The following RNF24 variants were observed in gnomAD, a reference collection of about 807,000 sequenced individuals.
RNF24 encodes ring finger protein 24.
In RNF24, 14 loss-of-function variants were observed where a neutral mutation model predicts 20.0. The ratio of observed to expected loss-of-function variants is 0.70; its 90% CI spans 0.46 to 1.10. RNF24 has a LOEUF of 1.10. Ranked by LOEUF, RNF24 falls within the 50% of genes least tolerant of loss-of-function variation. The pLI is 0.00. For synonymous variants in RNF24, 45 were observed against 61.1 expected (o/e 0.74, Z 1.23); for missense variants, 124 against 177.6 (o/e 0.70, Z 1.71).
chr20:4,011,839 T>C (rs966285300), intron 1 of RNF24, among the ~76,000 whole-genome samples: 10 of 152,234 alleles, frequency 6.6e-5, no homozygotes, highest in Non-Finnish European at 1.3e-4. Flanking sequence ...AGGATAGTTA[T>C]GTGAGACAGT....
rs554450774 is a variant in RNF24, at chr20:3,955,253, A to G, written c.144-6974T>C. 3.9e-5 allele frequency among the ~76,000 whole-genome samples: 6 copies of G among 152,114 alleles called. No individual in the cohort carries two copies. The East Asian group carries it at 9.7e-4, about 24-fold the overall frequency. ...GCTTTTAATATATTCTGGGTATTAA[A>G]CCCTTATCAGATAGGACTTGTAAAT... On this transcript the variant is annotated intron_variant, in intron 2 of 5. Transcript: ENST00000358395.
rs1322660196 is a variant in RNF24 at position 3,928,779 on chromosome 20, A to T, written c.*5284T>A. Reference sequence around the variant, plus strand: ...AAAAAAAAAAAAAAAAAAAAAAAAAATTGTTGGGGTAATTTCTGTTGTCAA... The same window carrying T: ...AAAAAAAAAAAAAAAAAAAAAAAAATTTGTTGGGGTAATTTCTGTTGTCAA... On this transcript the variant is annotated 3_prime_UTR_variant, in exon 6 of 6. Coordinates refer to ENST00000358395, the MANE Select transcript of RNF24 (RefSeq NM_001134337.3). 7.1e-6 allele frequency: 1 copy of T among 141,642 alleles called. No homozygotes were observed. 8.8% of individuals were successfully genotyped at this position (141,642 alleles called of 1,614,324 possible).
chr20:3,935,157 C>A, intron 4 of RNF24, 84 bp from the exon 5 acceptor site: 2 of 1,074,476 alleles, frequency 1.9e-6, no homozygotes, highest in South Asian at 1.3e-5. Flanking sequence ...CCTAAAGGCT[C>A]AACCGTTTGA....
chr20:3,972,655 C>T (rs2147006363), intron 1 of RNF24, among the ~76,000 whole-genome samples: 1 of 151,942 alleles, frequency 6.6e-6, no homozygotes, highest in African/African-American at 2.4e-5. Context: ...AATCCCAGCA[C>T]TGTGGAGGGC....
intron 2 of RNF24, among the ~76,000 whole-genome samples, chr20:3,963,167 G>A (rs2091221212): frequency 6.6e-6 from 1 of 152,116 alleles, no homozygotes; most frequent in Admixed American, 6.6e-5. Flanking sequence ...ATATCTATGA[G>A]ATATAAGGAG....
At chr20:4,012,134 C>T (rs920423433) in intron 1 of RNF24, among the ~76,000 whole-genome samples, 2 of 151,978 alleles carry the variant, frequency 1.3e-5, no homozygotes, top group East Asian at 1.9e-4. Flanking sequence ...AATTATTGGC[C>T]GGGCGCGGTG....
chr20:3,965,654 C>T (rs1440860264), intron 1 of RNF24, among the ~76,000 whole-genome samples: 1 of 152,186 alleles, frequency 6.6e-6, no homozygotes, highest in Non-Finnish European at 1.5e-5. Flanking sequence ...ATATACATAG[C>T]ACATACGCTG....
intron 1 of RNF24, among the ~76,000 whole-genome samples, chr20:3,970,877 C>T (rs1420012657): frequency 6.6e-6 from 1 of 151,982 alleles, no homozygotes; most frequent in African/African-American, 2.4e-5. Flanking sequence ...GAAACCCTGT[C>T]TCTACTAAAA....
At chr20:3,941,889 C>A (rs555304041) in intron 4 of RNF24, among the ~76,000 whole-genome samples, 2 of 152,170 alleles carry the variant, frequency 1.3e-5, no homozygotes, top group Non-Finnish European at 2.9e-5. Flanking sequence ...GCCTGGCTAA[C>A]ATGGTGAAAC....
At chr20:4,008,225 C>A (rs1876811323) in intron 1 of RNF24, among the ~76,000 whole-genome samples, 1 of 142,188 alleles carries the variant, frequency 7.0e-6, no homozygotes, top group South Asian at 2.1e-4. Context: ...AGGAAACCTG[C>A]TGGAGGTCAC....
At chr20:3,948,140 A>C in intron 3 of RNF24, 97 bp downstream of exon 3, 1 of 841,820 alleles carries the variant, frequency 1.2e-6, no homozygotes, top group South Asian at 1.5e-5. Flanking sequence ...GAACACAAGT[A>C]AATTCAGTCC....
intron 1 of RNF24, among the ~76,000 whole-genome samples, chr20:3,980,975 G>A (rs774673798): frequency 1.4e-5 from 2 of 147,004 alleles, no homozygotes; most frequent in Admixed American, 6.8e-5. Context: ...GTTGGGGGGG[G>A]CAGGGGGAGG....
chr20:3,941,568 A>G (rs2090955647), intron 4 of RNF24, among the ~76,000 whole-genome samples: 1 of 152,232 alleles, frequency 6.6e-6, no homozygotes, highest in Non-Finnish European at 1.5e-5. Context: ...GAAGGCAAGA[A>G]AAGGAAAATA....
At chr20:3,952,581 CG>C (rs1568624973) in intron 2 of RNF24, among the ~76,000 whole-genome samples, 3 of 131,494 alleles carry the variant, frequency 2.3e-5, no homozygotes, top group Non-Finnish European at 4.8e-5. Context: ...TCTTTTTTCC[CG>C]TTTTTTTTTT....
At chr20:3,941,261 C>A (rs2146948642) in intron 4 of RNF24, among the ~76,000 whole-genome samples, 1 of 152,206 alleles carries the variant, frequency 6.6e-6, no homozygotes, top group East Asian at 1.9e-4. Context: ...GGACTCCAGG[C>A]AGATGCCTGC....
chr20:4,012,396 G>C (rs1982530548), intron 1 of RNF24, among the ~76,000 whole-genome samples: 1 of 149,778 alleles, frequency 6.7e-6, no homozygotes, highest in Non-Finnish European at 1.5e-5. Flanking sequence ...CAGCCTAGGG[G>C]ACAGGGTGAG....
rs75182565 is a variant in RNF24 at position 3,980,260 on chromosome 20, T to C, written c.-7-16236A>G. On this transcript the variant is annotated intron_variant, in intron 1 of 5. Transcript: ENST00000358395. The stretch of plus-strand genomic sequence containing the variant: ...AACTCGCTAAACTTGCATAGATAAG[T>C]AGTCTGCTATGTACAGTAGTCCCTG... Among the ~76,000 whole-genome samples the C allele has an allele frequency of 6.2e-4, 94 of 152,290 alleles. 1 individual carries two copies. In the East Asian group the frequency reaches 0.014, roughly 22 times the overall value.
At chr20:3,958,699 TG>T (rs1474854538) in intron 2 of RNF24, among the ~76,000 whole-genome samples, 1 of 152,232 alleles carries the variant, frequency 6.6e-6, no homozygotes, top group South Asian at 2.1e-4. Context: ...TGGAGTGCAG[TG>T]GCGCAATCTC....
chr20:3,997,982 G>C (rs1202192362), intron 1 of RNF24, among the ~76,000 whole-genome samples: 1 of 152,186 alleles, frequency 6.6e-6, no homozygotes, highest in East Asian at 1.9e-4. Flanking sequence ...AAGCTAAAAG[G>C]CTGGCTTTTA....
Sources: allele counts gnomAD v4.1 joint callset (sites outside exome capture counted in the v4.1 genomes callset), GRCh38; gene constraint gnomAD v4.1.1; transcripts MANE v1.5; gene names NCBI Gene and HGNC (gene_info 2026-07-23, HGNC 2026-07-21).